Variants in SLC51A observed in about 807,000 individuals in gnomAD.
SLC51A encodes the protein organic solute transporter subunit alpha.
Under a neutral mutation model 34.8 loss-of-function variants are expected in SLC51A, and 22 were observed. The observed-to-expected ratio is 0.63, with a 90% CI of 0.45 to 0.90. The LOEUF is 0.90. SLC51A is among the 40% of genes least tolerant of loss of function. The probability of loss-of-function intolerance (pLI) is 0.00; values close to 1 mark genes in which losing one functional copy is unlikely to be tolerated. For synonymous variants in SLC51A, 181 were observed against 176.3 expected, an observed-to-expected ratio of 1.03 and a Z score of -0.21; for missense variants, 371 against 414.8, an observed-to-expected ratio of 0.89 and a Z score of 0.92.
At chr3:196,217,970 G>A (rs1723640846) in intron 2 of SLC51A, 34 bp downstream of exon 2, 1 of 1,585,790 alleles carries the variant, frequency 6.3e-7, no homozygotes, top group Non-Finnish European at 8.6e-7. Flanking sequence ...GGAACTGAGA[G>A]GAGGGAAACC....
intron 2 of SLC51A, among the ~76,000 whole-genome samples, chr3:196,221,519 G>C (rs1401516540): frequency 1.3e-5 from 2 of 152,042 alleles, no homozygotes; most frequent in African/African-American, 4.8e-5. Context: ...TCCTGCCTCG[G>C]CCTCCTGAAG....
At position 196,228,369 on chromosome 3, in the gene SLC51A, C is replaced by A; in HGVS notation, c.521+96C>A. On this transcript the variant is annotated intron_variant, in intron 5 of 8. Transcript: ENST00000296327. This position sits in a 1 kb window ranked among gnomAD's most constrained non-coding sequence, Gnocchi z 4.9. ...CTCTGGGAATTAGGCGTGAATAGGC[C>A]AAAGCCAGTGACGGAAGGGTGGGCA... 6.9e-7 allele frequency: 1 copy of A among 1,440,014 alleles called. No individual in the cohort carries two copies. Among genetic ancestry groups the A allele is most frequent in the Non-Finnish European group, 9.2e-7 (1 of 1,088,160 alleles). 89.2% of individuals were successfully genotyped at this position (1,440,014 alleles called of 1,614,324 possible).
chr3:196,225,976 C>T (rs147159269), intron 2 of SLC51A, among the ~76,000 whole-genome samples: 153 of 152,132 alleles, frequency 1.0e-3, no homozygotes, highest in Non-Finnish European at 4.1e-4. Context: ...GGCCAGCGTG[C>T]GTCAGGTGTC....
chr3:196,219,500 G>A (rs1391206029), intron 2 of SLC51A, among the ~76,000 whole-genome samples: 3 of 152,220 alleles, frequency 2.0e-5, no homozygotes, highest in African/African-American at 7.2e-5. Context: ...ACGTGGGCGT[G>A]TCCTTGGGCT....
In SLC51A at chr3:196,227,119, G is replaced by A. The variant is rs139345051; in HGVS notation, c.288G>A (p.Thr96=). 6.2e-6 allele frequency: 10 copies of A among 1,613,460 alleles called. No individual in the cohort carries two copies. The highest frequency in any genetic ancestry group is 5.3e-5 in the African/African-American group (4 of 74,934). The change falls in exon 3 of 9, where the codon ACG becomes ACA. Residue 96 remains threonine (T), a splice_region_variant and synonymous_variant. Transcript: ENST00000296327. ...RTLLWKSSAP[T]VVSVLCCFGL... ...TGCTCTGGAAGAGCTCGGCACCCACGGTGAGGCCCCCGGGGCTGCCCTGTG... is the reference window on the plus strand; with the variant it reads ...TGCTCTGGAAGAGCTCGGCACCCACAGTGAGGCCCCCGGGGCTGCCCTGTG...
intron 2 of SLC51A, among the ~76,000 whole-genome samples, chr3:196,220,915 G>A (rs1723741052): frequency 6.9e-6 from 1 of 144,236 alleles, no homozygotes; most frequent in Non-Finnish European, 1.5e-5. Flanking sequence ...TTTGAGACAG[G>A]GTCTCACTGT....
Position 196,228,835 on chromosome 3 carries a change from G to C in SLC51A, c.548G>C (p.Gly183Ala). Residue 183 changes from glycine (G) to alanine (A), a missense_variant, in exon 6 of 9, where the codon GGC becomes GCC. Physicochemically the swap from Gly to Ala is moderately conservative, Grantham distance 60 (BLOSUM62 0). Coordinates refer to ENST00000296327, the MANE Select transcript of SLC51A (RefSeq NM_152672.6). The surrounding 1 kb of genome is among the most constrained non-coding windows in gnomAD (Gnocchi z 4.9). Reference sequence around the variant, plus strand: ...AAGAAGCTTCAGCTGCTGATGTTGGGCCCTTTCCAATACGCCTTCTTGAAG... The same window carrying C: ...AAGAAGCTTCAGCTGCTGATGTTGGCCCCTTTCCAATACGCCTTCTTGAAG... ...TRKKLQLLML[G>A]PFQYAFLKIT... The C allele has an allele frequency of 5.0e-6, 8 of 1,614,122 alleles. No homozygotes were observed. Among genetic ancestry groups the C allele is most frequent in the Non-Finnish European group, 6.8e-6 (8 of 1,180,006 alleles).
intron 2 of SLC51A, among the ~76,000 whole-genome samples, chr3:196,224,738 GGGGAGAGGGGAGGGAAT>G (rs1414732413): frequency 3.7e-5 from 4 of 108,896 alleles, no homozygotes; most frequent in Non-Finnish European, 5.9e-5. Flanking sequence ...GGGGAGGAGA[GGGGAGAGGGGAGGGAAT>G]GGGAGAGGGG....
Position 196,217,950 on chromosome 3 carries a change from C to T in SLC51A, c.133+14C>T. ...AACTCCTGAGAGGTGAGTGGGGACC[C>T]TCCTCAGAGGGAACTGAGAGGAGGG... On this transcript the variant is annotated intron_variant, in intron 2 of 8. Coordinates refer to ENST00000296327, the MANE Select transcript of SLC51A (RefSeq NM_152672.6). The T allele has an allele frequency of 6.2e-7, 1 of 1,607,740 alleles. No individual in the cohort carries two copies. Among genetic ancestry groups the T allele is most frequent in the Non-Finnish European group, 8.5e-7 (1 of 1,176,788 alleles).
Position 196,230,755 on chromosome 3 carries a change from A to ATTATAGGC in SLC51A, c.780+695_780+702dup, listed in dbSNP as rs1724014505. On this transcript the variant is annotated intron_variant, in intron 7 of 8. Coordinates refer to ENST00000296327, the MANE Select transcript of SLC51A (RefSeq NM_152672.6). ...CGCCTCAGCCTCCCAAAGTATTGGG[A>ATTATAGGC]TTATAGGCGTGAGCCACTGTGCCCC... 2.0e-5 allele frequency among the ~76,000 whole-genome samples: 3 copies of ATTATAGGC among 152,202 alleles called. No homozygotes were observed. The South Asian group carries it at 6.2e-4, about 31-fold the overall frequency.
At chr3:196,219,084 G>A (rs1212940956) in intron 2 of SLC51A, among the ~76,000 whole-genome samples, 1 of 152,080 alleles carries the variant, frequency 6.6e-6, no homozygotes, top group South Asian at 2.1e-4. Flanking sequence ...AAATTAGCCA[G>A]GCGTGGTGGC....
chr3:196,227,859 G>A (rs980242117), intron 4 of SLC51A, 122 bp downstream of exon 4: 48 of 1,033,620 alleles, frequency 4.6e-5, no homozygotes, highest in African/African-American at 4.2e-4. Context: ...TGCTAGTTCC[G>A]GGCTCTTGCG....
rs148355506 is a variant in SLC51A at position 196,218,097 on chromosome 3, C to T, written c.133+161C>T. ...GTTAAGGCTCTGGAGAAGGGCAATG[C>T]CTCAAGGAGTCAGTGGGTCAAAAGG... On this transcript the variant is annotated intron_variant, in intron 2 of 8. Transcript: ENST00000296327. Among the ~76,000 whole-genome samples the T allele has an allele frequency of 5.2e-4, 79 of 152,352 alleles. 1 individual carries two copies. The highest frequency in any genetic ancestry group is 1.7e-3 in the African/African-American group (72 of 41,584).
Position 196,228,750 on chromosome 3 carries a change from G to A in SLC51A, c.522-59G>A. The A allele has an allele frequency of 6.9e-7, 1 of 1,445,810 alleles. No homozygotes were observed. The highest frequency in any genetic ancestry group is 1.7e-5 in the Admixed American group (1 of 59,738). The allele number at this position is 1,445,810 out of a possible 1,614,324, so 89.6% of individuals were successfully genotyped here. A position where few individuals can be genotyped will look rare whatever the true frequency, so the allele number is the denominator to read the frequency against. ...CCCAGGAGCCCTGTGAGGAGCCGGG[G>A]CGTCTTCCTGGGGCAGGGGGTTTGT... On this transcript the variant is annotated intron_variant, in intron 5 of 8. Transcript: ENST00000296327. This position sits in a 1 kb window ranked among gnomAD's most constrained non-coding sequence, Gnocchi z 4.9.
chr3:196,217,497 A>G (rs1182297095), intron 1 of SLC51A, among the ~76,000 whole-genome samples: 10 of 151,900 alleles, frequency 6.6e-5, no homozygotes. Context: ...GAGCCAAGAC[A>G]GACCACTGCA....
intron 3 of SLC51A, 198 bp downstream of exon 3, chr3:196,227,317 G>C (rs1023145989): frequency 1.6e-6 from 1 of 619,928 alleles, no homozygotes; most frequent in Non-Finnish European, 2.8e-6. Context: ...GCATTCTAAG[G>C]GCTGCGGAGA....
intron 8 of SLC51A, 66 bp from the exon 9 acceptor site, chr3:196,232,997 G>A: frequency 5.9e-6 from 9 of 1,526,064 alleles, no homozygotes; most frequent in Non-Finnish European, 8.1e-6. Context: ...CCGTGCCCGG[G>A]CTGCTAGTAA....
At position 196,230,689 on chromosome 3, in the gene SLC51A, G is replaced by T. The variant is rs183325265; in HGVS notation, c.780+628G>T. On this transcript the variant is annotated intron_variant, in intron 7 of 8. Coordinates refer to ENST00000296327, the MANE Select transcript of SLC51A (RefSeq NM_152672.6). Reference sequence around the variant, plus strand: ...AGTAGAGACGGGGTTTCGCTATGTTGGCCAGGCTGGTCTCAAACTCCTGAC... The same window carrying T: ...AGTAGAGACGGGGTTTCGCTATGTTTGCCAGGCTGGTCTCAAACTCCTGAC... Among the ~76,000 whole-genome samples the T allele has an allele frequency of 2.8e-3, 426 of 152,164 alleles. 1 individual carries two copies. The highest frequency in any genetic ancestry group is 0.01 in the African/African-American group (415 of 41,496).
intron 2 of SLC51A, among the ~76,000 whole-genome samples, chr3:196,222,170 T>A (rs1343853980): frequency 6.6e-6 from 1 of 152,236 alleles, no homozygotes; most frequent in Non-Finnish European, 1.5e-5. Flanking sequence ...TATTTAATGT[T>A]CCTGTTTTCA....
Sources: allele counts gnomAD v4.1 joint callset (sites outside exome capture counted in the v4.1 genomes callset), GRCh38; gene constraint gnomAD v4.1.1; non-coding constraint Gnocchi (gnomAD v3.1); transcripts MANE v1.5; gene names NCBI Gene and HGNC (gene_info 2026-07-23, HGNC 2026-07-21).